The following FNDC3B variants were observed in gnomAD, a reference collection of about 807,000 sequenced individuals.
FNDC3B encodes fibronectin type III domain containing 3B, also known as fibronectin type III domain-containing protein 3B.
In FNDC3B, 12 loss-of-function variants were observed where a neutral mutation model predicts 151.5. The observed-to-expected ratio is 0.08, with a 90% confidence interval of 0.05 to 0.13. The LOEUF is 0.13. Ranked by LOEUF, FNDC3B falls within the 10% of genes least tolerant of loss-of-function variation. The pLI is 1.00. For synonymous variants in FNDC3B, 528 were observed against 549.0 expected, an observed-to-expected ratio of 0.96 and a Z score of 0.54; for missense variants, 1,214 against 1,505.3, an observed-to-expected ratio of 0.81 and a Z score of 3.20.
chr3:172,250,450 CT>C (rs1361395480), intron 5 of FNDC3B, among the ~76,000 whole-genome samples: 4 of 152,162 alleles, frequency 2.6e-5, no homozygotes, highest in Non-Finnish European at 5.9e-5. Context: ...AATGTTGGCT[CT>C]TTTGTATGCC....
intron 6 of FNDC3B, among the ~76,000 whole-genome samples, chr3:172,280,287 G>C (rs1475088540): frequency 6.6e-6 from 1 of 152,116 alleles, no homozygotes; most frequent in Non-Finnish European, 1.5e-5. Flanking sequence ...GCATTGACTA[G>C]GTATCTAGCT....
chr3:172,066,811 T>C (rs1045982893), intron 1 of FNDC3B, among the ~76,000 whole-genome samples: 4 of 152,228 alleles, frequency 2.6e-5, no homozygotes, highest in African/African-American at 9.6e-5. Context: ...GTCTATACAT[T>C]GAAAATGAAC....
chr3:172,323,084 C>G (rs1368630990), intron 11 of FNDC3B, among the ~76,000 whole-genome samples: 1 of 152,016 alleles, frequency 6.6e-6, no homozygotes, highest in African/African-American at 2.4e-5. Context: ...CTTTAACAGA[C>G]AGTTTTTGTT....
intron 11 of FNDC3B, among the ~76,000 whole-genome samples, chr3:172,319,319 C>T (rs1560075977): frequency 1.3e-5 from 2 of 152,162 alleles, no homozygotes; most frequent in Non-Finnish European, 2.9e-5. Context: ...CCCTTGCTCC[C>T]CCTTCCCTGA....
At chr3:172,140,937 T>C (rs1307567322) in intron 3 of FNDC3B, among the ~76,000 whole-genome samples, 1 of 152,200 alleles carries the variant, frequency 6.6e-6, no homozygotes, top group Non-Finnish European at 1.5e-5. Flanking sequence ...AGACTTAAGA[T>C]GAATTGGTGT....
chr3:172,336,622 C>T (rs886068932), intron 15 of FNDC3B, among the ~76,000 whole-genome samples: 1 of 152,086 alleles, frequency 6.6e-6, no homozygotes, highest in Non-Finnish European at 1.5e-5. Flanking sequence ...TCTTGTTGGC[C>T]GGGCACGGTG....
At chr3:172,268,102 A>G (rs1258891969) in intron 6 of FNDC3B, among the ~76,000 whole-genome samples, 2 of 152,192 alleles carry the variant, frequency 1.3e-5, no homozygotes, top group Non-Finnish European at 1.5e-5. Flanking sequence ...TTTTGCCTAA[A>G]TTGAAAAGAC....
At chr3:172,157,545 C>T (rs1425750564) in intron 3 of FNDC3B, among the ~76,000 whole-genome samples, 2 of 152,122 alleles carry the variant, frequency 1.3e-5, no homozygotes, top group African/African-American at 2.4e-5. Flanking sequence ...CCCATTATAG[C>T]CACTCCCCTT....
At chr3:172,315,266 A>C (rs921583132) in intron 11 of FNDC3B, among the ~76,000 whole-genome samples, 4 of 152,192 alleles carry the variant, frequency 2.6e-5, no homozygotes, top group African/African-American at 9.7e-5. Context: ...AGTCCCAGCT[A>C]CTTGGGAGGC....
Position 172,330,542 on chromosome 3 carries a change from G to T in FNDC3B, c.1381G>T (p.Gly461Cys). 6.2e-7 allele frequency: 1 copy of T among 1,611,644 alleles called. No individual in the cohort carries two copies. The highest frequency in any genetic ancestry group is 8.5e-7 in the Non-Finnish European group (1 of 1,178,544). Reference protein sequence around the residue: ...LAARNDIGTSGYSQEVVCYTL... With the variant: ...LAARNDIGTSCYSQEVVCYTL... ...GTGCCTCACTTTCTTTCTCTACAGT[G>T]GTTATAGCCAAGAGGTGGTGTGCTA... is the stretch of plus-strand genomic sequence containing the variant. Residue 461 changes from glycine to cysteine, a missense_variant and splice_region_variant, in exon 13 of 26, where the codon GGT becomes TGT. Physicochemically the swap from Gly to Cys is radical, Grantham distance 159. Transcript: ENST00000415807.
At chr3:172,227,548 C>T (rs527870851) in intron 4 of FNDC3B, among the ~76,000 whole-genome samples, 2 of 152,260 alleles carry the variant, frequency 1.3e-5, no homozygotes, top group African/African-American at 2.4e-5. Flanking sequence ...TGTTCCTGTA[C>T]GTGAATAAAG....
intron 4 of FNDC3B, among the ~76,000 whole-genome samples, chr3:172,239,856 CT>C (rs71179981): frequency 1.7e-3 from 85 of 49,914 alleles, no homozygotes; most frequent in Non-Finnish European, 2.5e-3. Flanking sequence ...CATTTTAGTT[CT>C]TTTTTTTTTT....
At chr3:172,287,847 G>A (rs946668618) in intron 7 of FNDC3B, among the ~76,000 whole-genome samples, 2 of 152,184 alleles carry the variant, frequency 1.3e-5, no homozygotes, top group East Asian at 1.9e-4. Flanking sequence ...TTTAGGGCAG[G>A]GTAATAGGCT....
intron 1 of FNDC3B, among the ~76,000 whole-genome samples, chr3:172,072,497 C>G (rs897201598): frequency 6.6e-5 from 10 of 152,052 alleles, no homozygotes; most frequent in African/African-American, 2.4e-4. Flanking sequence ...ACTGTGATGC[C>G]TAACAACAAA....
chr3:172,166,268 A>G (rs568606906), intron 3 of FNDC3B, among the ~76,000 whole-genome samples: 2 of 152,184 alleles, frequency 1.3e-5, no homozygotes, highest in East Asian at 3.8e-4. Context: ...GATCACTGCT[A>G]TATGCTTCTA....
chr3:172,392,808 TTC>T (rs34576399), intron 25 of FNDC3B, among the ~76,000 whole-genome samples: 13,774 of 83,974 alleles, frequency 0.16, 1,549 homozygotes, highest in East Asian at 0.6. Flanking sequence ...CTTTTTTTTT[TTC>T]TTTTTTTTTT....
chr3:172,182,051 T>G (rs1723942072), intron 3 of FNDC3B, among the ~76,000 whole-genome samples: 1 of 152,198 alleles, frequency 6.6e-6, no homozygotes, highest in African/African-American at 2.4e-5. Flanking sequence ...GCTTTTAGTA[T>G]GTGTTACCTT....
chr3:172,247,758 A>C lies in FNDC3B; in HGVS notation c.490A>C (p.Thr164Pro). The change falls in exon 5 of 26, where the codon ACA becomes CCA. Residue 164 changes from threonine (T) to proline (P), a missense_variant. Physicochemically the swap from Thr to Pro is conservative, Grantham distance 38. Around this residue, in one of 7 missense-constraint regions of FNDC3B, gnomAD observed 166 missense variants for 173.2 expected, o/e 0.96. Coordinates refer to ENST00000415807, the MANE Select transcript of FNDC3B (RefSeq NM_022763.4). ...QFFPQHHLPHTIYGEQEIIPF... is the reference protein window; with the variant it reads ...QFFPQHHLPHPIYGEQEIIPF... ...TTTTCCCCAGCATCATCTTCCCCAC[A>C]CAATATATGGTGAGCAAGGTGAGTA... is the stretch of plus-strand genomic sequence containing the variant. 1 of 1,614,096 alleles carries C rather than the reference A, an allele frequency of 6.2e-7. No homozygotes were observed. The highest frequency in any genetic ancestry group is 8.5e-7 in the Non-Finnish European group (1 of 1,180,006).
chr3:172,263,154 A>G (rs575333110), intron 6 of FNDC3B, among the ~76,000 whole-genome samples: 9 of 151,462 alleles, frequency 5.9e-5, no homozygotes, highest in African/African-American at 2.2e-4. Flanking sequence ...TAGACTTATT[A>G]GAATTACCTC....
Sources: allele counts gnomAD v4.1 joint callset (sites outside exome capture counted in the v4.1 genomes callset), GRCh38; gene constraint gnomAD v4.1.1; regional missense constraint gnomAD v4.1.1; transcripts MANE v1.5; gene names NCBI Gene and HGNC (gene_info 2026-07-23, HGNC 2026-07-21).